Variants in CNBD2 observed in about 807,000 individuals in gnomAD.
The protein encoded by CNBD2 is cyclic nucleotide binding domain containing 2, also known as cyclic nucleotide-binding domain-containing protein 2.
CNBD2 carries 64 observed loss-of-function variants against 63.7 expected under a neutral mutation model. The ratio of observed to expected loss-of-function variants is 1.00; its 90% CI spans 0.82 to 1.24. The LOEUF (loss-of-function observed/expected upper bound fraction) is 1.24, where lower values mean the gene tolerates loss of function less well. Among genes scored for constraint, CNBD2 ranks in the 50% most tolerant of loss-of-function variants. The pLI is 0.00. For missense variants in CNBD2, 691 were observed against 713.5 expected, an observed-to-expected ratio of 0.97 and a Z score of 0.36; for synonymous variants, 229 against 255.4, an observed-to-expected ratio of 0.90 and a Z score of 0.99.
intron 4 of CNBD2, among the ~76,000 whole-genome samples, chr20:35,983,413 C>T (rs1425392709): frequency 6.6e-6 from 1 of 152,078 alleles, no homozygotes; most frequent in Non-Finnish European, 1.5e-5. Context: ...CTTGTTCGCT[C>T]TGGGCCTGGG....
chr20:36,007,226 A>G (rs1432522694), intron 8 of CNBD2, among the ~76,000 whole-genome samples: 3 of 151,980 alleles, frequency 2.0e-5, no homozygotes, highest in African/African-American at 7.3e-5. Context: ...ATAAGATCAT[A>G]CAGTATGGAC....
Position 36,030,432 on chromosome 20 carries a change from C to T in CNBD2, c.1515C>T (p.Leu505=), listed in dbSNP as rs746095961. The T allele has an allele frequency of 2.6e-5, 42 of 1,613,970 alleles. No individual in the cohort carries two copies. Among genetic ancestry groups the T allele is most frequent in the African/African-American group, 1.5e-4 (11 of 74,894 alleles). ...TTCGGAAGGACCTGTTGCAGCTGCT[C>T]GTGGAGCCTTGCCAAAGTCAACTGT... ...NIFRKDLLQL[L]VEPCQSQLFT... The change falls in exon 12 of 12, where the codon CTC becomes CTT. Residue 505 remains leucine (L), a synonymous_variant. Coordinates refer to ENST00000373973, the MANE Select transcript of CNBD2 (RefSeq NM_001365709.1).
intron 2 of CNBD2, among the ~76,000 whole-genome samples, chr20:35,962,565 C>T (rs1266454021): frequency 2.0e-5 from 3 of 152,140 alleles, no homozygotes; most frequent in Non-Finnish European, 4.4e-5. Context: ...CGGCCCCCTG[C>T]AGTCTTACTA....
At chr20:35,954,496 T>C, upstream of CNBD2, 1 of 1,541,826 alleles carries the variant, frequency 6.5e-7, no homozygotes, top group Non-Finnish European at 8.8e-7. Flanking sequence ...GTCTCTGGCT[T>C]CTCTGCGTCC....
chr20:35,969,980 A>C (rs2056389904), intron 1 of CNBD2, among the ~76,000 whole-genome samples: 1 of 152,158 alleles, frequency 6.6e-6, no homozygotes, highest in African/African-American at 2.4e-5. Flanking sequence ...CATTATTTCT[A>C]GCAATGTTAA....
chr20:36,022,192 T>C (rs1334940532), intron 10 of CNBD2, among the ~76,000 whole-genome samples: 3 of 115,228 alleles, frequency 2.6e-5, no homozygotes, highest in Non-Finnish European at 4.7e-5. Flanking sequence ...TTCTTTTTTT[T>C]TTCTTTTTTT....
At chr20:35,976,692 T>G (rs1228950256) in intron 3 of CNBD2, among the ~76,000 whole-genome samples, 1 of 152,210 alleles carries the variant, frequency 6.6e-6, no homozygotes, top group African/African-American at 2.4e-5. Flanking sequence ...CATTGTTATC[T>G]TCTTGGCTTC....
At chr20:36,014,961 C>G (rs1253768515) in intron 10 of CNBD2, among the ~76,000 whole-genome samples, 1 of 152,054 alleles carries the variant, frequency 6.6e-6, no homozygotes, top group Non-Finnish European at 1.5e-5. Flanking sequence ...GATGGCTGTA[C>G]TAATTTATAT....
intron 3 of CNBD2, among the ~76,000 whole-genome samples, chr20:35,979,379 T>G (rs1373368891): frequency 2.0e-5 from 3 of 152,238 alleles, no homozygotes; most frequent in East Asian, 3.8e-4. Context: ...ATCCATTCAC[T>G]AAGGCAGAGC....
At chr20:36,022,974 GACAAAA>G (rs905865172) in intron 10 of CNBD2, among the ~76,000 whole-genome samples, 4 of 151,986 alleles carry the variant, frequency 2.6e-5, no homozygotes, top group Non-Finnish European at 4.4e-5. Flanking sequence ...AGATTTGCTC[GACAAAA>G]ACAAAAACAA....
At chr20:35,987,594 C>T in intron 7 of CNBD2, 61 bp downstream of exon 7, 1 of 1,583,106 alleles carries the variant, frequency 6.3e-7, no homozygotes, top group South Asian at 1.1e-5. Flanking sequence ...AAGATCATGT[C>T]CTGTGACCTG....
chr20:36,009,951 C>T (rs528603070), intron 9 of CNBD2, among the ~76,000 whole-genome samples: 18 of 151,424 alleles, frequency 1.2e-4, no homozygotes, highest in African/African-American at 3.4e-4. Context: ...AACCAAGGTA[C>T]GGGGAGAGAT....
In CNBD2 at chr20:36,028,685, G is replaced by GTTTTTTTTTTTTTTT. The variant is rs148778050; in HGVS notation, c.1440-1664_1440-1663insTTTTTTTTTTTTTTT. Reference sequence around the variant, plus strand: ...GAGGGCTTAAGGGCGTCACGGGCTGGTTTTTTTTGGGACGGAGTCTCACTC... The same window carrying GTTTTTTTTTTTTTTT: ...GAGGGCTTAAGGGCGTCACGGGCTGGTTTTTTTTTTTTTTTTTTTTTTTGGGACGGAGTCTCACTC... On this transcript the variant is annotated intron_variant, in intron 11 of 11. Coordinates refer to ENST00000373973, the MANE Select transcript of CNBD2 (RefSeq NM_001365709.1). Among the ~76,000 whole-genome samples the GTTTTTTTTTTTTTTT allele has an allele frequency of 1.7e-3, 232 of 139,980 alleles. 3 individuals carry two copies. Among genetic ancestry groups the GTTTTTTTTTTTTTTT allele is most frequent in the African/African-American group, 4.0e-3 (131 of 32,742 alleles). The allele number at this position is 139,980 out of a possible 152,430, so 91.8% of individuals were successfully genotyped here.
downstream of CNBD2, among the ~76,000 whole-genome samples, chr20:35,958,338 A>G (rs1408781520): frequency 2.0e-5 from 3 of 152,196 alleles, no homozygotes; most frequent in African/African-American, 7.2e-5. Context: ...AGGCTGAGGC[A>G]GAAGAATCAC....
chr20:36,024,446 T>C (rs1779085042), intron 11 of CNBD2, among the ~76,000 whole-genome samples: 2 of 147,238 alleles, frequency 1.4e-5, no homozygotes, highest in African/African-American at 2.5e-5. Context: ...CTGGCCAACA[T>C]GGTGAAACCC....
rs374920867 is a variant in CNBD2 at position 35,995,142 on chromosome 20, C to T, written c.960C>T (p.Thr320=). ...TGATAGATGGCAGACCTCTGAAGAC[C>T]CACCTGAGTGGTAAGCTGCCTTGGC... ...LELIDGRPLK[T]HLSEYSPMER... is the part of the protein sequence containing the mutation. The change falls in exon 8 of 12, where the codon ACC becomes ACT. Residue 320 remains threonine (T), a synonymous_variant. Transcript: ENST00000373973. 1 of 1,612,588 alleles carries T rather than the reference C, an allele frequency of 6.2e-7. No individual in the cohort carries two copies. Among genetic ancestry groups the T allele is most frequent in the Admixed American group, 1.7e-5 (1 of 59,976 alleles).
downstream of CNBD2, among the ~76,000 whole-genome samples, chr20:35,959,835 G>T (rs551958279): frequency 1.8e-4 from 28 of 152,328 alleles, no homozygotes; most frequent in African/African-American, 6.7e-4. Context: ...TAGACAGTAG[G>T]AACCATGGAA....
At chr20:35,996,617 C>T (rs1302887450) in intron 8 of CNBD2, among the ~76,000 whole-genome samples, 1 of 151,478 alleles carries the variant, frequency 6.6e-6, no homozygotes, top group South Asian at 2.1e-4. Context: ...AGGCAATTCT[C>T]CTGCCTCAGC....
chr20:35,961,392 G>A (rs1293092876), intron 2 of CNBD2, among the ~76,000 whole-genome samples: 2 of 152,176 alleles, frequency 1.3e-5, no homozygotes, highest in East Asian at 1.9e-4. Flanking sequence ...AGCTCTGCCA[G>A]TGTCGTCTCC....
Sources: allele counts gnomAD v4.1 joint callset (sites outside exome capture counted in the v4.1 genomes callset), GRCh38; gene constraint gnomAD v4.1.1; transcripts MANE v1.5; gene names NCBI Gene and HGNC (gene_info 2026-07-23, HGNC 2026-07-21).